Variants in TSPOAP1 observed in about 807,000 individuals in gnomAD.
The protein encoded by TSPOAP1 is peripheral-type benzodiazepine receptor-associated protein 1.
Under a neutral mutation model 197.0 loss-of-function variants are expected in TSPOAP1, and 87 were observed. The observed-to-expected ratio is 0.44, with a 90% CI of 0.37 to 0.53. The LOEUF is 0.53. Ranked by LOEUF, TSPOAP1 falls within the 20% of genes least tolerant of loss-of-function variation. The pLI, the probability that TSPOAP1 is intolerant of heterozygous loss-of-function variation, is 0.00. For synonymous variants in TSPOAP1, 913 were observed against 998.9 expected, an observed-to-expected ratio of 0.91 and a Z score of 1.62; for missense variants, 2,174 against 2,411.3, an observed-to-expected ratio of 0.90 and a Z score of 2.06.
At chr17:58,320,210 G>A (rs1971364449) in intron 11 of TSPOAP1, 81 bp from the exon 12 acceptor site, 23 of 1,543,158 alleles carry the variant, frequency 1.5e-5, no homozygotes, top group Non-Finnish European at 2.1e-5. Context: ...GGCGGAGAAG[G>A]GGGCCTAAGT....
In TSPOAP1 at chr17:58,302,422, G is replaced by A. The variant is rs1598051479; in HGVS notation, c.*58C>T. Reference sequence around the variant, plus strand: ...ACAAGGCCCACCTGGGGGCCCTGGGGACCCTTGTGTGGTGCAGCCCCAGTC... The same window carrying A: ...ACAAGGCCCACCTGGGGGCCCTGGGAACCCTTGTGTGGTGCAGCCCCAGTC... On this transcript the variant is annotated 3_prime_UTR_variant, in exon 32 of 32. Transcript: ENST00000343736. The A allele has an allele frequency of 7.8e-7, 1 of 1,277,616 alleles. No homozygotes were observed. Among genetic ancestry groups the A allele is most frequent in the African/African-American group, 1.5e-5 (1 of 65,430 alleles). The allele number at this position is 1,277,616 out of a possible 1,614,324, so 79.1% of individuals were successfully genotyped here. A position where few individuals can be genotyped will look rare whatever the true frequency, so the allele number is the denominator to read the frequency against.
At position 58,310,560 on chromosome 17, in the gene TSPOAP1, C is replaced by T. The variant is rs1187531650; in HGVS notation, c.3651G>A (p.Glu1217=). ...GARAQQAPNT[E]MCQGGDPGSG... ...ACCCTGGGTCTCCTCCTTGGCACAT[C>T]TCGGTATTTGGCGCCTGCTGGGCCC... The change falls in exon 20 of 32, where the codon GAG becomes GAA. Residue 1217 remains glutamate, a synonymous_variant. Transcript: ENST00000343736. The T allele has an allele frequency of 6.2e-7, 1 of 1,613,394 alleles. No homozygotes were observed. Among genetic ancestry groups the T allele is most frequent in the Non-Finnish European group, 8.5e-7 (1 of 1,180,048 alleles).
At position 58,320,148 on chromosome 17, in the gene TSPOAP1, C is replaced by A. The variant is rs936347928; in HGVS notation, c.1474-19G>T. ...AGGTAGACTGTTGCAGGAAAGGAAG[C>A]AGAGAACAGGTTAGAACCCTGAGCG... is the stretch of plus-strand genomic sequence containing the variant. On this transcript the variant is annotated intron_variant, in intron 11 of 31. Coordinates refer to ENST00000343736, the MANE Select transcript of TSPOAP1 (RefSeq NM_004758.4). 20 of 1,614,002 alleles carry A rather than the reference C, an allele frequency of 1.2e-5. No homozygotes were observed. The Admixed American group carries it at 2.5e-4, about 20-fold the overall frequency.
chr17:58,322,933 C>T lies in TSPOAP1; in HGVS notation c.1194+17G>A, dbSNP rs1415382558. On this transcript the variant is annotated intron_variant, in intron 8 of 31. Coordinates refer to ENST00000343736, the MANE Select transcript of TSPOAP1 (RefSeq NM_004758.4). The surrounding 1 kb of genome is among the most constrained non-coding windows in gnomAD (Gnocchi z 5.0). ...GTGGGAGCACAGGTCTCCACAGCAC[C>T]TGGGCGGAAGTGGTACCTGCTCCTT... The T allele has an allele frequency of 6.2e-7, 1 of 1,607,398 alleles. No individual in the cohort carries two copies. Among genetic ancestry groups the T allele is most frequent in the African/African-American group, 1.3e-5 (1 of 74,792 alleles).
rs972674993 is a variant in TSPOAP1, at chr17:58,305,567, C to T, written c.5334G>A (p.Gln1778=). Residue 1778 remains glutamine (Q), a synonymous_variant, in exon 28 of 32, where the codon CAG becomes CAA. Coordinates refer to ENST00000343736, the MANE Select transcript of TSPOAP1 (RefSeq NM_004758.4). ...SMVAAFDYNP[Q]ESSPNMDVEA... ...CCACGTCCATATTGGGGGAACTCTC[C>T]TGGGGGTTGTAGTCAAATGCAGCCA... 1.9e-6 allele frequency: 3 copies of T among 1,592,040 alleles called. No homozygotes were observed. In the South Asian group the frequency reaches 3.4e-5, roughly 18 times the overall value.
chr17:58,327,045 T>C (rs1598087353), intron 1 of TSPOAP1, among the ~76,000 whole-genome samples: 1 of 151,682 alleles, frequency 6.6e-6, no homozygotes, highest in East Asian at 1.9e-4. Flanking sequence ...CTACCCATCT[T>C]CTCCTCCAGG....
chr17:58,302,482 C>A, intron 31 of TSPOAP1, 35 bp from the exon 32 acceptor site: 1 of 1,192,922 alleles, frequency 8.4e-7, no homozygotes, highest in Non-Finnish European at 1.1e-6. Context: ...AGGTCAGGGC[C>A]TGATTCCCTC....
chr17:58,304,151 C>G lies in TSPOAP1; in HGVS notation c.*32+187G>C. ...GGCACTGCCCTGGGTAAAGGCAAGG[C>G]AAGGGGAGCAGGGAGGGGGAGGGAT... On this transcript the variant is annotated intron_variant, in intron 31 of 31. Coordinates refer to ENST00000343736, the MANE Select transcript of TSPOAP1 (RefSeq NM_004758.4). The surrounding 1 kb of genome is among the most constrained non-coding windows in gnomAD (Gnocchi z 4.2). The G allele has an allele frequency of 3.5e-6, 2 of 576,004 alleles. No homozygotes were observed. Among genetic ancestry groups the G allele is most frequent in the Non-Finnish European group, 6.2e-6 (2 of 320,004 alleles). The allele number at this position is 576,004 out of a possible 1,614,324, so 35.7% of individuals were successfully genotyped here. A position where few individuals can be genotyped will look rare whatever the true frequency, so the allele number is the denominator to read the frequency against.
intron 7 of TSPOAP1, 80 bp from the exon 8 acceptor site, chr17:58,323,119 TC>T: frequency 6.5e-7 from 1 of 1,529,684 alleles, no homozygotes; most frequent in Non-Finnish European, 8.9e-7. Flanking sequence ...CCTGCCCTCC[TC>T]CCAGGCAAGG....
chr17:58,315,409 C>A (rs565738884), intron 16 of TSPOAP1, among the ~76,000 whole-genome samples: 1 of 152,356 alleles, frequency 6.6e-6, no homozygotes, highest in African/African-American at 2.4e-5. Flanking sequence ...CAGGCCAGAG[C>A]CACCCTGAGA....
chr17:58,306,918 G>T lies in TSPOAP1; in HGVS notation c.5034C>A (p.Gly1678=). The T allele has an allele frequency of 5.0e-6, 8 of 1,613,330 alleles. No individual in the cohort carries two copies. Among genetic ancestry groups the T allele is most frequent in the Non-Finnish European group, 6.8e-6 (8 of 1,179,996 alleles). The stretch of plus-strand genomic sequence containing the variant: ...TGTTGCAGGGAATGTAGCCTGTCCG[G>T]CCCCCACCTTCGCCCTGGTAGAAGC... ...ADGFYQGEGG[G]RTGYIPCNMV... is the part of the protein sequence containing the mutation. Residue 1678 remains glycine, a synonymous_variant, in exon 25 of 32, where the codon GGC becomes GGA. Coordinates refer to ENST00000343736, the MANE Select transcript of TSPOAP1 (RefSeq NM_004758.4).
chr17:58,315,897 A>G lies in TSPOAP1; in HGVS notation c.2098+126T>C, dbSNP rs1306708640. 7.1e-6 allele frequency: 5 copies of G among 704,502 alleles called. No homozygotes were observed. In the Admixed American group the frequency reaches 1.0e-4, roughly 15 times the overall value. 43.6% of individuals were successfully genotyped at this position (704,502 alleles called of 1,614,324 possible). A position where few individuals can be genotyped will look rare whatever the true frequency, so the allele number is the denominator to read the frequency against. On this transcript the variant is annotated intron_variant, in intron 16 of 31. Transcript: ENST00000343736. Reference sequence around the variant, plus strand: ...TGAGCACGCTGGGCAGAGGGGATGGATGGATGGATGGATGGATGGATGGAT... The same window carrying G: ...TGAGCACGCTGGGCAGAGGGGATGGGTGGATGGATGGATGGATGGATGGAT...
chr17:58,310,520 T>C lies in TSPOAP1; in HGVS notation c.3691A>G (p.Arg1231Gly). The C allele has an allele frequency of 1.2e-6, 2 of 1,613,190 alleles. No homozygotes were observed. The highest frequency in any genetic ancestry group is 1.7e-6 in the Non-Finnish European group (2 of 1,179,934). ...TGTCCCCAAACCCCTACCTCAGCCC[T>C]GGGCCTCAGCCCAGACCCTGGGTCT... Reference protein sequence around the residue: ...GGDPGSGLRPRAEKEDTAELG... With the variant: ...GGDPGSGLRPGAEKEDTAELG... Residue 1231 changes from arginine to glycine, a missense_variant, in exon 20 of 32, where the codon AGG becomes GGG. Physicochemically the swap from Arg to Gly is moderately radical, Grantham distance 125. Coordinates refer to ENST00000343736, the MANE Select transcript of TSPOAP1 (RefSeq NM_004758.4).
chr17:58,316,357 C>T (rs1202209513), intron 15 of TSPOAP1, 68 bp downstream of exon 15: 2 of 1,419,670 alleles, frequency 1.4e-6, no homozygotes, highest in Non-Finnish European at 2.0e-6. Flanking sequence ...TCTCCAGCTC[C>T]ACCCGGCCCC....
At position 58,310,765 on chromosome 17, in the gene TSPOAP1, C is replaced by T. The variant is rs1374995826; in HGVS notation, c.3460-14G>A. The T allele has an allele frequency of 2.5e-6, 4 of 1,606,900 alleles. No individual in the cohort carries two copies. The South Asian group carries it at 4.4e-5, about 18-fold the overall frequency. On this transcript the variant is annotated splice_polypyrimidine_tract_variant and intron_variant, in intron 19 of 31. Transcript: ENST00000343736. ...CCCAGCCTCCTCCTGGAACAGAGAG[C>T]ACTGAGGAAGGACCCAAGCCCAGGT...
Position 58,328,028 on chromosome 17 carries a change from C to T in TSPOAP1, c.-108G>A. On this transcript the variant is annotated 5_prime_UTR_variant, in exon 1 of 32. Transcript: ENST00000343736. This position sits in a 1 kb window ranked among gnomAD's most constrained non-coding sequence, Gnocchi z 4.3. ...AGCCCCTCTCCCCTCTGAGCTCTTGCTTCACCGACGCTCCATCCAAGGTTG... is the reference window on the plus strand; with the variant it reads ...AGCCCCTCTCCCCTCTGAGCTCTTGTTTCACCGACGCTCCATCCAAGGTTG... 2.0e-6 allele frequency: 2 copies of T among 1,005,194 alleles called. No individual in the cohort carries two copies. Among genetic ancestry groups the T allele is most frequent in the East Asian group, 5.3e-5 (2 of 37,960 alleles). 62.3% of individuals were successfully genotyped at this position (1,005,194 alleles called of 1,614,324 possible).
At chr17:58,312,890 T>C (rs1157324505) in intron 16 of TSPOAP1, among the ~76,000 whole-genome samples, 168 bp from the exon 17 acceptor site, 2 of 152,246 alleles carry the variant, frequency 1.3e-5, no homozygotes, top group Non-Finnish European at 2.9e-5. Context: ...GCAGTAAAGA[T>C]CTGGATTAGA....
intron 13 of TSPOAP1, 21 bp from the exon 14 acceptor site, chr17:58,318,473 G>A (rs1409385928): frequency 1.2e-6 from 2 of 1,602,742 alleles, no homozygotes; most frequent in Non-Finnish European, 1.7e-6. Flanking sequence ...GATGGCACGT[G>A]GGCTTGGGGT....
intron 4 of TSPOAP1, 36 bp downstream of exon 4, chr17:58,325,498 G>T (rs747794941): frequency 6.2e-7 from 1 of 1,609,586 alleles, no homozygotes; most frequent in South Asian, 1.1e-5. Flanking sequence ...CCTGTGCAGG[G>T]CTGAGCTGGA....
Sources: gnomAD v4.1 joint callset for allele counts (sites outside exome capture counted in the v4.1 genomes callset) on GRCh38, gnomAD v4.1.1 for gene constraint, Gnocchi (gnomAD v3.1) non-coding constraint, MANE v1.5 for transcripts, NCBI Gene and HGNC (gene_info 2026-07-23, HGNC 2026-07-21) for gene names.